TTI1: variants seen among roughly 807,000 people sequenced by gnomAD.
TTI1 encodes TELO2-interacting protein 1 homolog.
A neutral mutation model predicts 85.4 loss-of-function variants in TTI1; 52 were observed. The ratio of observed to expected loss-of-function variants is 0.61; its 90% CI spans 0.49 to 0.77. TTI1 has a LOEUF of 0.77. Ranked by LOEUF, TTI1 falls within the 30% of genes least tolerant of loss-of-function variation. TTI1 has a pLI of 0.00. For synonymous variants in TTI1, 512 were observed against 503.9 expected (o/e 1.02, Z -0.22); for missense variants, 1,173 against 1,296.0 (o/e 0.91, Z 1.46).
chr20:37,999,943 T>C (rs1331355185), intron 4 of TTI1, among the ~76,000 whole-genome samples: 1 of 152,188 alleles, frequency 6.6e-6, no homozygotes, highest in East Asian at 1.9e-4. Flanking sequence ...ATACAATTCA[T>C]GTTTTAGAAA....
At position 37,999,243 on chromosome 20, in the gene TTI1, G is replaced by A. The variant is rs773992228; in HGVS notation, c.2738C>T (p.Ser913Leu). ...LLPLAHQAWPSLVHRLTRDAP... is the reference protein window; with the variant it reads ...LLPLAHQAWPLLVHRLTRDAP... ...GTCCCGTGTGAGTCGGTGAACGAGC[G>A]AGGGCCAGGCCTGATGAGCCAAGGG... The change falls in exon 5 of 8, where the codon TCG (serine) becomes TTG (leucine). Residue 913 changes from serine (S) to leucine (L), a missense_variant. Ser to Leu is a moderately radical substitution (Grantham distance 145). Transcript: ENST00000373447. 3 of 1,525,012 alleles carry A rather than the reference G, an allele frequency of 2.0e-6. No homozygotes were observed. The highest frequency in any genetic ancestry group is 2.5e-5 in the East Asian group (1 of 39,438). The allele number at this position is 1,525,012 out of a possible 1,614,324, so 94.5% of individuals were successfully genotyped here.
intron 2 of TTI1, among the ~76,000 whole-genome samples, chr20:38,009,350 A>AC (rs1246966867): frequency 2.0e-5 from 3 of 152,022 alleles, no homozygotes; most frequent in Non-Finnish European, 4.4e-5. Flanking sequence ...GCAAAATAAA[A>AC]TCCAAACTCC....
In TTI1 at chr20:38,011,507, C is replaced by A; in HGVS notation, c.2302+8G>T. 1 of 1,612,748 alleles carries A rather than the reference C, an allele frequency of 6.2e-7. No individual in the cohort carries two copies. Among genetic ancestry groups the A allele is most frequent in the South Asian group, 1.1e-5 (1 of 90,946 alleles). ...ACACATCAGCATTAAAAAGGGCTCT[C>A]AATGTACCTAATGCTGCCATCAGAG... On this transcript the variant is annotated splice_region_variant and intron_variant, in intron 2 of 7. Coordinates refer to ENST00000373447, the MANE Select transcript of TTI1 (RefSeq NM_001303457.2).
At position 38,002,749 on chromosome 20, in the gene TTI1, T is replaced by C; in HGVS notation, c.2531A>G (p.Asp844Gly). Residue 844 changes from aspartate to glycine, a missense_variant, in exon 4 of 8, where the codon GAT becomes GGT. By Grantham distance (94) the Asp-to-Gly change is moderately conservative. Transcript: ENST00000373447. ...CACATCTGGACGGGTGTCATTCTCA[T>C]CCACTTTGGGAGGGACTGACTGTTC... is the stretch of plus-strand genomic sequence containing the variant. Reference protein sequence around the residue: ...EEEQSVPPKVDENDTRPDVEP... With the variant: ...EEEQSVPPKVGENDTRPDVEP... The C allele has an allele frequency of 6.2e-7, 1 of 1,614,192 alleles. No individual in the cohort carries two copies. The highest frequency in any genetic ancestry group is 1.1e-5 in the South Asian group (1 of 91,080).
rs1399950469 is a variant in TTI1 at position 38,002,703 on chromosome 20, C to T, written c.2577G>A (p.Gln859=). 3.1e-6 allele frequency: 5 copies of T among 1,614,246 alleles called. No homozygotes were observed. Among genetic ancestry groups the T allele is most frequent in the Non-Finnish European group, 4.2e-6 (5 of 1,180,052 alleles). ...RPDVEPPLPL[Q]IQIAMDVMER... is the part of the protein sequence containing the mutation. Reference sequence around the variant, plus strand: ...CCATCACGTCCATGGCTATTTGGATCTGCAATGGCAGTGGTGGCTCCACAT... The same window carrying T: ...CCATCACGTCCATGGCTATTTGGATTTGCAATGGCAGTGGTGGCTCCACAT... Residue 859 remains glutamine (Q), a synonymous_variant, in exon 4 of 8, where the codon CAG becomes CAA. Transcript: ENST00000373447.
intron 7 of TTI1, among the ~76,000 whole-genome samples, chr20:37,985,362 G>A (rs1045549321): frequency 2.6e-5 from 4 of 152,128 alleles, no homozygotes; most frequent in Admixed American, 6.5e-5. Context: ...CTGCTAAGTC[G>A]GAGTAAATTC....
chr20:37,983,459 C>T lies in TTI1; in HGVS notation c.3267G>A (p.Gln1089=), dbSNP rs199770380. 6.2e-7 allele frequency: 1 copy of T among 1,609,946 alleles called. No individual in the cohort carries two copies. Among genetic ancestry groups the T allele is most frequent in the East Asian group, 2.2e-5 (1 of 44,764 alleles). Residue 1089 remains glutamine (Q), a synonymous_variant, in exon 8 of 8, where the codon CAG becomes CAA. Transcript: ENST00000373447. ...TNVLQLLKEL[Q] is the part of the protein sequence containing the mutation. ...CCTCTGTGGTGGGGGAGCAGGGTCA[C>T]TGCAGCTCCTTGAGCAGCTGGAGCA...
At chr20:37,987,107 C>A (rs780696436) in intron 7 of TTI1, 1 of 453,492 alleles carries the variant, frequency 2.2e-6, no homozygotes, top group Admixed American at 2.4e-5. Flanking sequence ...AATTCCAAAC[C>A]GCACCCTTGT....
intron 1 of TTI1, among the ~76,000 whole-genome samples, chr20:38,031,070 T>TA (rs1334916478): frequency 2.6e-5 from 4 of 152,192 alleles, no homozygotes; most frequent in South Asian, 2.1e-4. Context: ...GTCCCTTTCT[T>TA]ACCACTTCCA....
chr20:38,024,719 A>C (rs1441941279), intron 1 of TTI1, among the ~76,000 whole-genome samples: 2 of 152,068 alleles, frequency 1.3e-5, no homozygotes, highest in African/African-American at 4.8e-5. Context: ...CTAGACTCCC[A>C]CTCTCATAAG....
At position 38,012,702 on chromosome 20, in the gene TTI1, T is replaced by C; in HGVS notation, c.1115A>G (p.Asp372Gly). 6.2e-7 allele frequency: 1 copy of C among 1,614,232 alleles called. No homozygotes were observed. Residue 372 changes from aspartate (D) to glycine (G), a missense_variant, in exon 2 of 8, where the codon GAC (aspartate) becomes GGC (glycine). Asp to Gly is a moderately conservative substitution (Grantham distance 94). Coordinates refer to ENST00000373447, the MANE Select transcript of TTI1 (RefSeq NM_001303457.2). ...KVVVGNKALA[D>G]ILSESLHSLA... ...GGAATGCAGGCTTTCTGACAAGATG[T>C]CAGCGAGGGCTTTGTTGCCCACCAC... is the stretch of plus-strand genomic sequence containing the variant.
chr20:38,025,522 T>C (rs776770528), intron 1 of TTI1, among the ~76,000 whole-genome samples: 3 of 151,688 alleles, frequency 2.0e-5, no homozygotes, highest in South Asian at 2.1e-4. Context: ...TGAGCAGAGA[T>C]TGTGGCATGG....
chr20:38,029,064 A>T (rs912376771), intron 1 of TTI1, among the ~76,000 whole-genome samples: 30 of 152,252 alleles, frequency 2.0e-4, no homozygotes, highest in African/African-American at 6.7e-4. Context: ...GCCATAAAAC[A>T]AACCTCAACA....
At chr20:38,022,282 G>T (rs1459515170) in intron 1 of TTI1, among the ~76,000 whole-genome samples, 1 of 152,096 alleles carries the variant, frequency 6.6e-6, no homozygotes. Flanking sequence ...GTGACGCCTT[G>T]TCTGATCACC....
In TTI1 at chr20:37,995,168, C is replaced by G. The variant is rs145744207; in HGVS notation, c.3086+1207G>C. ...TAAAAATGCCTGGGGACAGAAGCTG[C>G]TTAGGATGCGCCCCTGTGCTCATGA... is the stretch of plus-strand genomic sequence containing the variant. On this transcript the variant is annotated intron_variant, in intron 7 of 7. Coordinates refer to ENST00000373447, the MANE Select transcript of TTI1 (RefSeq NM_001303457.2). 8.0e-3 allele frequency among the ~76,000 whole-genome samples: 1,215 copies of G among 152,284 alleles called. 5 individuals are homozygous for G. Among genetic ancestry groups the G allele is most frequent in the African/African-American group, 0.023 (949 of 41,546 alleles).
At chr20:37,985,038 C>T (rs1358575055) in intron 7 of TTI1, among the ~76,000 whole-genome samples, 5 of 152,212 alleles carry the variant, frequency 3.3e-5, no homozygotes, top group African/African-American at 1.2e-4. Context: ...GGGTTAAACT[C>T]TCACCACCAA....
At chr20:38,019,112 T>C (rs2073725496) in intron 1 of TTI1, 1 of 151,082 alleles carries the variant, frequency 6.6e-6, no homozygotes, top group Admixed American at 6.6e-5. Flanking sequence ...ATTGTGCCAC[T>C]GTACTCTAGC....
intron 2 of TTI1, among the ~76,000 whole-genome samples, chr20:38,009,647 T>G (rs1234479620): frequency 1.3e-5 from 2 of 151,948 alleles, no homozygotes; most frequent in Non-Finnish European, 2.9e-5. Context: ...ATTACAGGCA[T>G]GTACCGCCAC....
Position 37,999,220 on chromosome 20 carries a change from C to G in TTI1, c.2761G>C (p.Asp921His). 1 of 1,505,326 alleles carries G rather than the reference C, an allele frequency of 6.6e-7. No individual in the cohort carries two copies. Among genetic ancestry groups the G allele is most frequent in the Non-Finnish European group, 8.9e-7 (1 of 1,124,794 alleles). The allele number at this position is 1,505,326 out of a possible 1,614,324, so 93.2% of individuals were successfully genotyped here. A position where few individuals can be genotyped will look rare whatever the true frequency, so the allele number is the denominator to read the frequency against. The change falls in exon 5 of 8, where the codon GAC becomes CAC. Residue 921 changes from aspartate (D) to histidine (H), a missense_variant. Transcript: ENST00000373447. ...GCTCTAAGCACTGCCAGGGGGGCGTCCCGTGTGAGTCGGTGAACGAGCGAG... is the reference window on the plus strand; with the variant it reads ...GCTCTAAGCACTGCCAGGGGGGCGTGCCGTGTGAGTCGGTGAACGAGCGAG... ...WPSLVHRLTR[D>H]APLAVLRAFK...
Sources: allele counts gnomAD v4.1 joint callset (sites outside exome capture counted in the v4.1 genomes callset), GRCh38; gene constraint gnomAD v4.1.1; transcripts MANE v1.5; gene names NCBI Gene and HGNC (gene_info 2026-07-23, HGNC 2026-07-21).